Variants in MYBPC2 observed in about 807,000 individuals in gnomAD.
MYBPC2 encodes myosin binding protein C2.
In MYBPC2, 122 loss-of-function variants were observed where a neutral mutation model predicts 137.0. The observed-to-expected ratio is 0.89, with a 90% CI of 0.77 to 1.03. The LOEUF is 1.03. MYBPC2 is among the 50% of genes least tolerant of loss of function. MYBPC2 has a pLI of 0.00. For missense variants in MYBPC2, 1,500 were observed against 1,534.4 expected, an observed-to-expected ratio of 0.98 and a Z score of 0.37; for synonymous variants, 626 against 612.3, an observed-to-expected ratio of 1.02 and a Z score of -0.33.
In MYBPC2 at chr19:50,435,897, C is replaced by T. The variant is rs767043247; in HGVS notation, c.196+35C>T. ...ACCCGGGGGAGGAGGGGCTGCGGCC[C>T]GGACTCCTGGGTCTGAGGGAGGAGG... is the stretch of plus-strand genomic sequence containing the variant. On this transcript the variant is annotated intron_variant, in intron 3 of 27. Coordinates refer to ENST00000357701, the MANE Select transcript of MYBPC2 (RefSeq NM_004533.4). This position sits in a 1 kb window ranked among gnomAD's most constrained non-coding sequence, Gnocchi z 4.8. 39 of 1,555,162 alleles carry T rather than the reference C, an allele frequency of 2.5e-5. No individual in the cohort carries two copies. In the Middle Eastern group the frequency reaches 6.7e-4, roughly 27 times the overall value.
chr19:50,457,261 G>A (rs1031709180), intron 20 of MYBPC2, among the ~76,000 whole-genome samples: 23 of 152,120 alleles, frequency 1.5e-4, no homozygotes, highest in Non-Finnish European at 4.4e-5. Context: ...CTCCCTGGCC[G>A]GCTGCTCCCA....
chr19:50,451,043 G>A, intron 14 of MYBPC2, 108 bp downstream of exon 14: 1 of 1,116,482 alleles, frequency 9.0e-7, no homozygotes, highest in South Asian at 1.4e-5. Context: ...TGCGAATGAG[G>A]ACGACAGCAA....
rs1158853077 is a variant in MYBPC2, at chr19:50,465,142, C to A, written c.3415+610C>A. On this transcript the variant is annotated intron_variant, in intron 27 of 27. Transcript: ENST00000357701. The surrounding 1 kb of genome is among the most constrained non-coding windows in gnomAD (Gnocchi z 4.5). ...TCTCTCTATCCAGAGCTGCTCTGCC[C>A]CAGCCCTGATCCCAGCCCGCTGGGG... is the stretch of plus-strand genomic sequence containing the variant. Among the ~76,000 whole-genome samples the A allele has an allele frequency of 1.4e-4, 21 of 152,118 alleles. No individual in the cohort carries two copies. The highest frequency in any genetic ancestry group is 2.8e-4 in the Non-Finnish European group (19 of 68,018).
At chr19:50,460,353 T>A (rs2039961148) in intron 24 of MYBPC2, among the ~76,000 whole-genome samples, 174 bp downstream of exon 24, 1 of 152,170 alleles carries the variant, frequency 6.6e-6, no homozygotes, top group Non-Finnish European at 1.5e-5. Context: ...TTTCATTTTC[T>A]TTTTTCACTG....
chr19:50,435,953 G>A lies in MYBPC2; in HGVS notation c.197-59G>A. ...GGGTCTCGTTCTGTCTCCCTCTGGA[G>A]AGCCTTATGTTCCTTCCTGGGCCTC... On this transcript the variant is annotated intron_variant, in intron 3 of 27. Transcript: ENST00000357701. This position sits in a 1 kb window ranked among gnomAD's most constrained non-coding sequence, Gnocchi z 4.8. 1 of 1,551,978 alleles carries A rather than the reference G, an allele frequency of 6.4e-7. No homozygotes were observed.
chr19:50,440,075 G>A (rs560233947), intron 7 of MYBPC2, among the ~76,000 whole-genome samples: 5 of 152,238 alleles, frequency 3.3e-5, no homozygotes, highest in Admixed American at 3.3e-4. Context: ...GGAAGTAGCT[G>A]GGGTGTGATG....
chr19:50,436,791 A>G lies in MYBPC2; in HGVS notation c.463+57A>G, dbSNP rs1043568162. The G allele has an allele frequency of 2.0e-6, 3 of 1,521,026 alleles. No homozygotes were observed. In the African/African-American group the frequency reaches 4.1e-5, roughly 21 times the overall value. The allele number at this position is 1,521,026 out of a possible 1,614,324, so 94.2% of individuals were successfully genotyped here. A position where few individuals can be genotyped will look rare whatever the true frequency, so the allele number is the denominator to read the frequency against. On this transcript the variant is annotated intron_variant, in intron 5 of 27. Coordinates refer to ENST00000357701, the MANE Select transcript of MYBPC2 (RefSeq NM_004533.4). ...TTCTATGTCTGGGTGGGGTGGACAGATGTACCAGCCAGGTGTTGGGAGAGT... is the reference window on the plus strand; with the variant it reads ...TTCTATGTCTGGGTGGGGTGGACAGGTGTACCAGCCAGGTGTTGGGAGAGT...
rs745610978 is a variant in MYBPC2 at position 50,460,051 on chromosome 19, C to G, written c.2803C>G (p.Pro935Ala). The change falls in exon 24 of 28, where the codon CCC (proline) becomes GCC (alanine). Residue 935 changes from proline (P) to alanine (A), a missense_variant. Physicochemically the swap from Pro to Ala is conservative, Grantham distance 27 (BLOSUM62 -1). Transcript: ENST00000357701. ...IRIRVVEKAG[P>A]PINVMVKEVW... ...TTCCCCATTTCCAGAAAAGGCTGGG[C>G]CCCCCATAAACGTGATGGTGAAGGA... is the stretch of plus-strand genomic sequence containing the variant. 3.2e-6 allele frequency: 5 copies of G among 1,545,982 alleles called. No homozygotes were observed. In the East Asian group the frequency reaches 1.2e-4, roughly 38 times the overall value.
At position 50,466,302 on chromosome 19, in the gene MYBPC2, A is replaced by G. The variant is rs1408181527; in HGVS notation, c.*97A>G. On this transcript the variant is annotated 3_prime_UTR_variant, in exon 28 of 28. Transcript: ENST00000357701. The surrounding 1 kb of genome is among the most constrained non-coding windows in gnomAD (Gnocchi z 4.9). ...GTTCTTTCTGGAGTTTTCGCTGAGA[A>G]CAAAACAGTGTTGTCTGGACCCTGG... The G allele has an allele frequency of 1.9e-6, 3 of 1,544,180 alleles. No individual in the cohort carries two copies. The African/African-American group carries it at 4.1e-5, about 21-fold the overall frequency.
chr19:50,451,322 G>T lies in MYBPC2; in HGVS notation c.1609+13G>T, dbSNP rs761936958. On this transcript the variant is annotated intron_variant, in intron 15 of 27. Transcript: ENST00000357701. ...GTTCCCAAGCAAGGTGAGCACCACGGGCTGCGCTGGGAGCGGGTCTGAGGG... is the reference window on the plus strand; with the variant it reads ...GTTCCCAAGCAAGGTGAGCACCACGTGCTGCGCTGGGAGCGGGTCTGAGGG... 1 of 1,613,450 alleles carries T rather than the reference G, an allele frequency of 6.2e-7. No individual in the cohort carries two copies. Among genetic ancestry groups the T allele is most frequent in the Non-Finnish European group, 8.5e-7 (1 of 1,179,822 alleles).
intron 24 of MYBPC2, among the ~76,000 whole-genome samples, chr19:50,461,329 C>T (rs924968555): frequency 6.6e-6 from 1 of 152,186 alleles, no homozygotes; most frequent in Non-Finnish European, 1.5e-5. Context: ...AATGATGTTC[C>T]TTTGTCTGGG....
intron 14 of MYBPC2, 124 bp downstream of exon 14, chr19:50,451,059 T>C: frequency 9.6e-7 from 1 of 1,039,652 alleles, no homozygotes; most frequent in South Asian, 1.5e-5. Flanking sequence ...AGCAAGCGTC[T>C]GTCCCGCTCA....
intron 13 of MYBPC2, among the ~76,000 whole-genome samples, chr19:50,448,745 C>A (rs1335169239): frequency 6.6e-6 from 1 of 150,710 alleles, no homozygotes; most frequent in Non-Finnish European, 1.5e-5. Flanking sequence ...CAGGTATGAG[C>A]CACCACGCCT....
intron 20 of MYBPC2, among the ~76,000 whole-genome samples, chr19:50,457,680 GTTT>G (rs544491551): frequency 8.7e-5 from 11 of 126,406 alleles, no homozygotes; most frequent in Middle Eastern, 4.0e-3. Context: ...CCTGGGGAAA[GTTT>G]TTTTTTTTTT....
chr19:50,433,807 G>T (rs979371309), intron 1 of MYBPC2, among the ~76,000 whole-genome samples: 1 of 148,860 alleles, frequency 6.7e-6, no homozygotes, highest in African/African-American at 2.5e-5. Context: ...CAGGTGCAGG[G>T]GCTCACGCCT....
chr19:50,451,196 G>A lies in MYBPC2; in HGVS notation c.1580-84G>A, dbSNP rs75264037. 2,364 of 1,525,286 alleles carry A rather than the reference G, an allele frequency of 1.5e-3. 27 individuals are homozygous for A. The African/African-American group carries it at 0.019, about 12-fold the overall frequency. The allele number at this position is 1,525,286 out of a possible 1,614,324, so 94.5% of individuals were successfully genotyped here. On this transcript the variant is annotated intron_variant, in intron 14 of 27. Coordinates refer to ENST00000357701, the MANE Select transcript of MYBPC2 (RefSeq NM_004533.4). ...GTTCCCAGGGAGACTGCCAGACCCT[G>A]TCACCTCTTCCTCTGGGCTGTGAAG...
At chr19:50,433,288 G>A (rs746379822) in intron 1 of MYBPC2, among the ~76,000 whole-genome samples, 2 of 151,406 alleles carry the variant, frequency 1.3e-5, no homozygotes, top group African/African-American at 4.9e-5. Flanking sequence ...ATAAGTGATT[G>A]GGGGGGCATC....
At chr19:50,456,249 CCA>C (rs1318506454) in intron 20 of MYBPC2, among the ~76,000 whole-genome samples, 1 of 151,298 alleles carries the variant, frequency 6.6e-6, no homozygotes, top group Non-Finnish European at 1.5e-5. Flanking sequence ...ATCCATCCAT[CCA>C]TCCATCCATC....
At position 50,451,967 on chromosome 19, in the gene MYBPC2, GC is replaced by G. The variant is rs1477783157; in HGVS notation, c.1718del (p.Pro573LeufsTer7). The G allele has an allele frequency of 1.3e-6, 2 of 1,555,494 alleles. No homozygotes were observed. Among genetic ancestry groups the G allele is most frequent in the South Asian group, 1.2e-5 (1 of 84,258 alleles). ...GGCTTGACGTGTCCATCACAGGGGAGCCCCCTCCCGTCGCTACCTGGCTGAA... is the reference window on the plus strand; with the variant it reads ...GGCTTGACGTGTCCATCACAGGGGAGCCCCTCCCGTCGCTACCTGGCTGAA... ...LRLDVSITGE[P>X]PPVATWLKGD... On this transcript the variant is annotated frameshift_variant, in exon 16 of 28. Coordinates refer to ENST00000357701, the MANE Select transcript of MYBPC2 (RefSeq NM_004533.4). LOFTEE classifies it high-confidence loss of function.
Sources: gnomAD v4.1 joint callset for allele counts (sites outside exome capture counted in the v4.1 genomes callset) on GRCh38, gnomAD v4.1.1 for gene constraint, Gnocchi (gnomAD v3.1) non-coding constraint, MANE v1.5 for transcripts, NCBI Gene and HGNC (gene_info 2026-07-23, HGNC 2026-07-21) for gene names.